The following SNTG2 variants were observed in gnomAD, a reference collection of about 807,000 sequenced individuals.
SNTG2 encodes syntrophin gamma 2.
Under a neutral mutation model 70.9 loss-of-function variants are expected in SNTG2, and 74 were observed. The ratio of observed to expected loss-of-function variants is 1.04; its 90% CI spans 0.86 to 1.27. The LOEUF (loss-of-function observed/expected upper bound fraction) is 1.27, where lower values mean the gene tolerates loss of function less well. Among genes scored for constraint, SNTG2 ranks in the 50% most tolerant of loss-of-function variants. SNTG2 has a pLI of 0.00. For synonymous variants in SNTG2, 278 were observed against 273.8 expected (o/e 1.02, Z -0.15); for missense variants, 717 against 690.7 (o/e 1.04, Z -0.43).
rs1443643075 is a variant in SNTG2, at chr2:1,237,718, C to G, written c.720-170C>G. Among the ~76,000 whole-genome samples, 4 of 152,352 alleles carry G rather than the reference C, an allele frequency of 2.6e-5. 1 individual carries two copies. The highest frequency in any genetic ancestry group is 2.6e-4 in the Admixed American group (4 of 15,306). ...TTACCAAGGGAATTCGGGGTTTGGT[C>G]TTGGTCTCAGCGAGCCTGCTGACTG... On this transcript the variant is annotated intron_variant, in intron 9 of 16. Coordinates refer to ENST00000308624, the MANE Select transcript of SNTG2 (RefSeq NM_018968.4).
At chr2:1,053,228 T>C (rs1450561446) in intron 1 of SNTG2, among the ~76,000 whole-genome samples, 2 of 152,256 alleles carry the variant, frequency 1.3e-5, no homozygotes, top group African/African-American at 4.8e-5. Flanking sequence ...GATTTGTTCA[T>C]GCTTCTAAAA....
intron 6 of SNTG2, among the ~76,000 whole-genome samples, chr2:1,144,715 G>T (rs1185403432): frequency 6.6e-6 from 1 of 152,178 alleles, no homozygotes; most frequent in Non-Finnish European, 1.5e-5. Context: ...GATCTCATGA[G>T]ACTTATTCAC....
At chr2:974,393 G>A (rs1046408902) in intron 1 of SNTG2, among the ~76,000 whole-genome samples, 1 of 152,210 alleles carries the variant, frequency 6.6e-6, no homozygotes, top group East Asian at 1.9e-4. Flanking sequence ...TTACCTGGCC[G>A]TGGTAAGGCA....
At chr2:1,264,336 A>G (rs1295387726) in intron 13 of SNTG2, among the ~76,000 whole-genome samples, 1 of 152,190 alleles carries the variant, frequency 6.6e-6, no homozygotes, top group Non-Finnish European at 1.5e-5. Flanking sequence ...AAATGTCTTA[A>G]TCATCCCTGT....
Position 1,366,836 on chromosome 2 carries a change from C to T in SNTG2, c.1489-507C>T, listed in dbSNP as rs537472189. ...CACCCACACAGCAGGCACTGTTCCT[C>T]CCAAGGGCGGCCTTGGCATGAAGCC... On this transcript the variant is annotated intron_variant, in intron 16 of 16. Coordinates refer to ENST00000308624, the MANE Select transcript of SNTG2 (RefSeq NM_018968.4). Among the ~76,000 whole-genome samples the T allele has an allele frequency of 2.0e-5, 3 of 152,264 alleles. No individual in the cohort carries two copies. In the East Asian group the frequency reaches 5.8e-4, roughly 30 times the overall value.
chr2:1,364,842 G>A (rs1006897137), intron 16 of SNTG2, among the ~76,000 whole-genome samples: 4 of 151,874 alleles, frequency 2.6e-5, no homozygotes, highest in African/African-American at 7.3e-5. Context: ...CCCAGGAGGC[G>A]GAGCTTGCAG....
chr2:1,366,497 C>CA (rs1458322891), intron 16 of SNTG2, among the ~76,000 whole-genome samples: 4 of 152,104 alleles, frequency 2.6e-5, no homozygotes, highest in Non-Finnish European at 4.4e-5. Context: ...TTTTACAGGA[C>CA]ATTTAGTGTC....
chr2:1,183,429 G>A (rs998532338), intron 8 of SNTG2, among the ~76,000 whole-genome samples: 1 of 152,094 alleles, frequency 6.6e-6, no homozygotes, highest in Non-Finnish European at 1.5e-5. Flanking sequence ...GATCCTACTC[G>A]GCAGTTTTTC....
Position 1,173,101 on chromosome 2 carries a change from G to C in SNTG2, c.509G>C (p.Gly170Ala). ...AFLKLPLGSP[G>A]PSSDHSSGAS... is the part of the protein sequence containing the mutation. ...TCTTGTTTTGCTGCAGGGTCCCCAG[G>C]GCCATCCAGCGACCACAGCAGTGGG... is the stretch of plus-strand genomic sequence containing the variant. Residue 170 changes from glycine to alanine, a missense_variant, in exon 8 of 17, where the codon GGG (glycine) becomes GCG (alanine). Coordinates refer to ENST00000308624, the MANE Select transcript of SNTG2 (RefSeq NM_018968.4). The C allele has an allele frequency of 6.2e-7, 1 of 1,613,844 alleles. No individual in the cohort carries two copies. The highest frequency in any genetic ancestry group is 1.1e-5 in the South Asian group (1 of 91,060).
intron 14 of SNTG2, among the ~76,000 whole-genome samples, chr2:1,268,571 C>A (rs908742865): frequency 6.6e-6 from 1 of 152,116 alleles, no homozygotes; most frequent in African/African-American, 2.4e-5. Context: ...AAATTGGGCA[C>A]CCTAAATTGG....
chr2:1,112,609 T>G (rs148160797), intron 4 of SNTG2, among the ~76,000 whole-genome samples: 129 of 145,400 alleles, frequency 8.9e-4, no homozygotes, highest in African/African-American at 3.6e-3. Flanking sequence ...CTAAGTGAGG[T>G]TTTACCCTTA....
intron 1 of SNTG2, among the ~76,000 whole-genome samples, chr2:1,030,910 C>T (rs1660780041): frequency 6.6e-6 from 1 of 152,150 alleles, no homozygotes; most frequent in African/African-American, 2.4e-5. Context: ...CTTTTATGAA[C>T]TCTTTTAAGC....
intron 8 of SNTG2, among the ~76,000 whole-genome samples, chr2:1,193,593 G>A (rs1479133933): frequency 2.8e-5 from 4 of 143,218 alleles, no homozygotes; most frequent in Admixed American, 7.6e-5. Flanking sequence ...TATCTCCCCT[G>A]AATAAAGAAG....
intron 12 of SNTG2, among the ~76,000 whole-genome samples, chr2:1,253,770 G>A (rs576463720): frequency 7.0e-4 from 106 of 152,292 alleles, no homozygotes; most frequent in African/African-American, 1.8e-3. Flanking sequence ...CAGGAAGCAC[G>A]TCTGGGGAAG....
intron 14 of SNTG2, among the ~76,000 whole-genome samples, chr2:1,286,158 C>A (rs1166926958): frequency 6.6e-6 from 1 of 152,128 alleles, no homozygotes; most frequent in Non-Finnish European, 1.5e-5. Context: ...GGAACTAAGA[C>A]CTCTAGGACA....
chr2:1,363,715 A>G (rs2148323681), intron 16 of SNTG2, among the ~76,000 whole-genome samples: 1 of 152,354 alleles, frequency 6.6e-6, no homozygotes, highest in Middle Eastern at 3.4e-3. Flanking sequence ...TTCATAATTC[A>G]AGATAGCCTT....
chr2:977,268 A>G lies in SNTG2; in HGVS notation c.72+26200A>G, dbSNP rs115310610. On this transcript the variant is annotated intron_variant, in intron 1 of 16. Coordinates refer to ENST00000308624, the MANE Select transcript of SNTG2 (RefSeq NM_018968.4). ...AAGAAACCATTGTACTTTTCTTGTT[A>G]TGGCTTATTTGCCCTGCGTTAGAAG... Among the ~76,000 whole-genome samples the G allele has an allele frequency of 4.0e-3, 602 of 152,298 alleles. 7 individuals carry two copies. Among genetic ancestry groups the G allele is most frequent in the African/African-American group, 0.014 (567 of 41,566 alleles).
At chr2:1,115,062 C>G (rs1009049460) in intron 4 of SNTG2, among the ~76,000 whole-genome samples, 1 of 150,844 alleles carries the variant, frequency 6.6e-6, no homozygotes. Flanking sequence ...TGAGAAGGAT[C>G]GTGTGTACTA....
At chr2:1,364,799 A>G (rs1419467857) in intron 16 of SNTG2, among the ~76,000 whole-genome samples, 1 of 151,438 alleles carries the variant, frequency 6.6e-6, no homozygotes, top group Non-Finnish European at 1.5e-5. Flanking sequence ...AGTCCCAGCT[A>G]CTCAGGAGGC....
Sources: allele counts gnomAD v4.1 joint callset (sites outside exome capture counted in the v4.1 genomes callset), GRCh38; gene constraint gnomAD v4.1.1; transcripts MANE v1.5; gene names NCBI Gene and HGNC (gene_info 2026-07-23, HGNC 2026-07-21).